The following FAM174B variants were observed in gnomAD, a reference collection of about 807,000 sequenced individuals.
FAM174B encodes the protein membrane protein FAM174B.
FAM174B carries 12 observed loss-of-function variants against 10.9 expected under a neutral mutation model. The observed-to-expected ratio is 1.10, with a 90% CI of 0.71 to 1.79. The LOEUF is 1.79. Among genes scored for constraint, FAM174B ranks in the 40% most tolerant of loss-of-function variants. FAM174B has a pLI of 0.00. For synonymous variants in FAM174B, 132 were observed against 115.8 expected, an observed-to-expected ratio of 1.14 and a Z score of -0.90; for missense variants, 266 against 233.3, an observed-to-expected ratio of 1.14 and a Z score of -0.91.
intron 2 of FAM174B, among the ~76,000 whole-genome samples, chr15:92,626,725 C>A (rs145580838): frequency 6.6e-6 from 1 of 152,234 alleles, no homozygotes; most frequent in Non-Finnish European, 1.5e-5. Context: ...TACTAAGGTG[C>A]TTCAGGGAGC....
At chr15:92,650,286 G>C (rs1028021936) in intron 1 of FAM174B, among the ~76,000 whole-genome samples, 1 of 152,184 alleles carries the variant, frequency 6.6e-6, no homozygotes, top group South Asian at 2.1e-4. Context: ...AGCATCTGTG[G>C]TTCCAATGTC....
chr15:92,643,276 A>C (rs1194198490), intron 1 of FAM174B, among the ~76,000 whole-genome samples: 1 of 151,824 alleles, frequency 6.6e-6, no homozygotes, highest in African/African-American at 2.4e-5. Flanking sequence ...TGGGTTGGAC[A>C]CTTTAAATGA....
At chr15:92,622,319 A>G (rs2141947387) in intron 2 of FAM174B, among the ~76,000 whole-genome samples, 1 of 152,354 alleles carries the variant, frequency 6.6e-6, no homozygotes, top group East Asian at 1.9e-4. Flanking sequence ...CACGGGGAGA[A>G]GTCCACCCGC....
intron 2 of FAM174B, among the ~76,000 whole-genome samples, chr15:92,629,233 C>CT (rs2050774464): frequency 6.6e-6 from 1 of 152,202 alleles, no homozygotes; most frequent in Admixed American, 6.5e-5. Context: ...AAGCAATGCC[C>CT]TTTCTCTGGG....
chr15:92,648,215 A>G (rs1214536404), intron 1 of FAM174B, among the ~76,000 whole-genome samples: 1 of 152,248 alleles, frequency 6.6e-6, no homozygotes, highest in Non-Finnish European at 1.5e-5. Flanking sequence ...CCACGTTCTC[A>G]GGACCTCTTG....
At chr15:92,653,554 G>C (rs1217495357) in intron 1 of FAM174B, among the ~76,000 whole-genome samples, 2 of 152,242 alleles carry the variant, frequency 1.3e-5, no homozygotes, top group African/African-American at 2.4e-5. Flanking sequence ...ATCGGGCATG[G>C]AGACACGAAG....
chr15:92,630,428 C>T lies in FAM174B; in HGVS notation c.345-83G>A. 4.5e-6 allele frequency: 6 copies of T among 1,322,754 alleles called. No individual in the cohort carries two copies. The South Asian group carries it at 7.9e-5, about 17-fold the overall frequency. 81.9% of individuals were successfully genotyped at this position (1,322,754 alleles called of 1,614,324 possible). On this transcript the variant is annotated intron_variant, in intron 1 of 2. Coordinates refer to ENST00000327355, the MANE Select transcript of FAM174B (RefSeq NM_207446.3). The stretch of plus-strand genomic sequence containing the variant: ...CCCCAAGCCCCAGAGGACCCGACAG[C>T]AACTTAGCAGCTGGTGTTTAGTCAG...
intron 2 of FAM174B, among the ~76,000 whole-genome samples, chr15:92,620,553 G>A (rs2050712694): frequency 6.6e-6 from 1 of 151,954 alleles, no homozygotes; most frequent in South Asian, 2.1e-4. Flanking sequence ...GGTGGCTTAC[G>A]CCTGTAATCC....
At chr15:92,653,803 A>G (rs1271279492) in intron 1 of FAM174B, among the ~76,000 whole-genome samples, 2 of 152,280 alleles carry the variant, frequency 1.3e-5, no homozygotes, top group Non-Finnish European at 2.9e-5. Flanking sequence ...CACAGAGCAT[A>G]AGGAGCAAGT....
In FAM174B at chr15:92,619,149, C is replaced by T. The variant is rs1027485993; in HGVS notation, c.*307G>A. On this transcript the variant is annotated 3_prime_UTR_variant, in exon 3 of 3. Coordinates refer to ENST00000327355, the MANE Select transcript of FAM174B (RefSeq NM_207446.3). Reference sequence around the variant, plus strand: ...CTTAAAAAAACTTCTTTAAAATCAACATGTTTCTACCCTTTGCTCCTTAGC... The same window carrying T: ...CTTAAAAAAACTTCTTTAAAATCAATATGTTTCTACCCTTTGCTCCTTAGC... The T allele has an allele frequency of 5.8e-6, 4 of 686,400 alleles. No homozygotes were observed. Among genetic ancestry groups the T allele is most frequent in the Non-Finnish European group, 1.1e-5 (4 of 376,342 alleles). The allele number at this position is 686,400 out of a possible 1,614,324, so 42.5% of individuals were successfully genotyped here. A position where few individuals can be genotyped will look rare whatever the true frequency, so the allele number is the denominator to read the frequency against.
At position 92,630,234 on chromosome 15, in the gene FAM174B, T is replaced by G. The variant is rs1188584784; in HGVS notation, c.456A>C (p.Thr152=). 1 of 1,613,658 alleles carries G rather than the reference T, an allele frequency of 6.2e-7. No individual in the cohort carries two copies. The highest frequency in any genetic ancestry group is 8.5e-7 in the Non-Finnish European group (1 of 1,179,788). Residue 152 remains threonine, a synonymous_variant, in exon 2 of 3, where the codon ACA becomes ACC. Coordinates refer to ENST00000327355, the MANE Select transcript of FAM174B (RefSeq NM_207446.3). ...TGTACCTGTATTTGATGTCGAATAC[T>G]GTGGAGTCCTCATCTTCATCATCCT... ...NEEDDEDEDS[T]VFDIKYR
At position 92,617,590 on chromosome 15, in the gene FAM174B, G is replaced by A. The variant is rs61745276; in HGVS notation, c.*1866C>T. On this transcript the variant is annotated 3_prime_UTR_variant, in exon 3 of 3. Transcript: ENST00000327355. ...ATGGAGCCCGGGTGTTTCTGCGTAA[G>A]GCAGAGGAATCCAGCTTTTCCATGA... The A allele has an allele frequency of 9.0e-4, 570 of 630,100 alleles. 2 individuals carry two copies. The African/African-American group carries it at 9.5e-3, about 11-fold the overall frequency. 39.0% of individuals were successfully genotyped at this position (630,100 alleles called of 1,614,324 possible).
intron 2 of FAM174B, among the ~76,000 whole-genome samples, chr15:92,629,359 C>T (rs1196344951): frequency 6.6e-6 from 1 of 152,228 alleles, no homozygotes; most frequent in South Asian, 2.1e-4. Context: ...CCTAAAGTCA[C>T]AAAGTCATTC....
chr15:92,633,441 T>C (rs146581958), intron 1 of FAM174B, among the ~76,000 whole-genome samples: 8 of 152,314 alleles, frequency 5.3e-5, no homozygotes, highest in African/African-American at 1.9e-4. Flanking sequence ...TCATGGTTCC[T>C]TGGGTACGGA....
Position 92,648,185 on chromosome 15 carries a change from G to A in FAM174B, c.344+7131C>T, listed in dbSNP as rs1298597608. Among the ~76,000 whole-genome samples the A allele has an allele frequency of 4.6e-5, 7 of 152,178 alleles. No individual in the cohort carries two copies. In the East Asian group the frequency reaches 1.3e-3, roughly 29 times the overall value. On this transcript the variant is annotated intron_variant, in intron 1 of 2. Coordinates refer to ENST00000327355, the MANE Select transcript of FAM174B (RefSeq NM_207446.3). The stretch of plus-strand genomic sequence containing the variant: ...TCCCTAAAATGTATAAAACCAGGCT[G>A]AAACCTGACCACCTCGGGCCCACGT...
intron 1 of FAM174B, among the ~76,000 whole-genome samples, chr15:92,649,496 C>G (rs2050950521): frequency 6.6e-6 from 1 of 152,176 alleles, no homozygotes; most frequent in African/African-American, 2.4e-5. Flanking sequence ...CATCTGTTTT[C>G]AGAATCGTAT....
intron 1 of FAM174B, among the ~76,000 whole-genome samples, chr15:92,652,124 AT>A (rs2050970427): frequency 6.6e-6 from 1 of 152,248 alleles, no homozygotes; most frequent in Non-Finnish European, 1.5e-5. Context: ...TGCTAAAAAT[AT>A]CTTTATTAAA....
chr15:92,635,097 C>T (rs1332303315), intron 1 of FAM174B, among the ~76,000 whole-genome samples: 1 of 93,138 alleles, frequency 1.1e-5, no homozygotes, highest in Non-Finnish European at 2.6e-5. Flanking sequence ...TTACGATAAG[C>T]CTCTCTCTCT....
rs968502559 is a variant in FAM174B at position 92,618,139 on chromosome 15, A to G, written c.*1317T>C. On this transcript the variant is annotated 3_prime_UTR_variant, in exon 3 of 3. Coordinates refer to ENST00000327355, the MANE Select transcript of FAM174B (RefSeq NM_207446.3). ...GGCAAATACACAAACCCTGGAGCAA[A>G]GCCAGGAAAAAAGGGGGAGATAAAA... 6.0e-6 allele frequency: 1 copy of G among 165,452 alleles called. No individual in the cohort carries two copies. Among genetic ancestry groups the G allele is most frequent in the African/African-American group, 2.4e-5 (1 of 42,056 alleles). The allele number at this position is 165,452 out of a possible 1,614,324, so 10.2% of individuals were successfully genotyped here.
Sources: gnomAD v4.1 joint callset for allele counts (sites outside exome capture counted in the v4.1 genomes callset) on GRCh38, gnomAD v4.1.1 for gene constraint, MANE v1.5 for transcripts, NCBI Gene and HGNC (gene_info 2026-07-23, HGNC 2026-07-21) for gene names.